LOXL3: variants seen among roughly 807,000 people sequenced by gnomAD.
The protein encoded by LOXL3 is lysyl oxidase homolog 3.
In LOXL3, 60 loss-of-function variants were observed where a neutral mutation model predicts 91.8. The ratio of observed to expected loss-of-function variants is 0.65; its 90% CI spans 0.53 to 0.81. LOXL3 has a LOEUF of 0.81. LOXL3 is among the 30% of genes least tolerant of loss of function. The probability of loss-of-function intolerance (pLI) is 0.00; values close to 1 mark genes in which losing one functional copy is unlikely to be tolerated. For synonymous variants in LOXL3, 355 were observed against 387.6 expected (o/e 0.92, Z 0.99); for missense variants, 874 against 1,000.4 (o/e 0.87, Z 1.70).
intron 3 of LOXL3, 46 bp downstream of exon 3, chr2:74,550,139 C>T (rs779680225): frequency 2.0e-5 from 32 of 1,578,920 alleles, no homozygotes; most frequent in African/African-American, 1.9e-4. Context: ...ACAGTACTCT[C>T]GGCTATCCTG....
chr2:74,536,869 GTGCCCACGCACGCCACCCCA>G lies in LOXL3; in HGVS notation c.732_751del (p.Val246GlyfsTer15). The G allele has an allele frequency of 6.2e-7, 1 of 1,614,168 alleles. No homozygotes were observed. Among genetic ancestry groups the G allele is most frequent in the Non-Finnish European group, 8.5e-7 (1 of 1,180,030 alleles). The stretch of plus-strand genomic sequence containing the variant: ...GGAACAGAGGGAGAGGTGGGCCTCC[GTGCCCACGCACGCCACCCCA>G]TGCAGACCAAAGGAGTGTTGCTGCC... On this transcript the variant is annotated frameshift_variant, in exon 5 of 14. Transcript: ENST00000264094. LOFTEE classifies it high-confidence loss of function. This position sits in a 1 kb window ranked among gnomAD's most constrained non-coding sequence, Gnocchi z 4.5.
rs886486017 is a variant in LOXL3 at position 74,553,867 on chromosome 2, T to C, written c.-13+9A>G. 1 of 145,298 alleles carries C rather than the reference T, an allele frequency of 6.9e-6. No homozygotes were observed. The highest frequency in any genetic ancestry group is 1.5e-5 in the Non-Finnish European group (1 of 66,760). 9.0% of individuals were successfully genotyped at this position (145,298 alleles called of 1,614,324 possible). A position where few individuals can be genotyped will look rare whatever the true frequency, so the allele number is the denominator to read the frequency against. ...TCATTCCCTCTGCGGTTAGCGTGAC[T>C]CCCCCTACCTTGGCCGAGCAGGACC... is the stretch of plus-strand genomic sequence containing the variant. On this transcript the variant is annotated intron_variant, in intron 1 of 13. Coordinates refer to ENST00000264094, the MANE Select transcript of LOXL3 (RefSeq NM_032603.5).
chr2:74,534,894 TTTGA>T (rs1415921112), intron 9 of LOXL3, 120 bp from the exon 10 acceptor site: 1 of 1,188,524 alleles, frequency 8.4e-7, no homozygotes, highest in East Asian at 2.4e-5. Flanking sequence ...TGTTTGTTTG[TTTGA>T]GATGGAGTCT....
In LOXL3 at chr2:74,535,835, G is replaced by A. The variant is rs891772218; in HGVS notation, c.1249-80C>T. ...AGTCTCTAACAGATGTGGCTGAAGC[G>A]TGACTCAGGCACATAATGGGCTAGC... On this transcript the variant is annotated intron_variant, in intron 7 of 13. Coordinates refer to ENST00000264094, the MANE Select transcript of LOXL3 (RefSeq NM_032603.5). The surrounding 1 kb of genome is among the most constrained non-coding windows in gnomAD (Gnocchi z 4.2). 8.7e-6 allele frequency: 13 copies of A among 1,491,316 alleles called. No homozygotes were observed. The highest frequency in any genetic ancestry group is 4.5e-5 in the East Asian group (2 of 44,042). 92.4% of individuals were successfully genotyped at this position (1,491,316 alleles called of 1,614,324 possible).
chr2:74,540,797 G>A (rs1276736444), intron 4 of LOXL3, among the ~76,000 whole-genome samples: 3 of 150,494 alleles, frequency 2.0e-5, no homozygotes, highest in Non-Finnish European at 3.0e-5. Context: ...CTTCTGAATC[G>A]CTGGGACCAC....
upstream of LOXL3, chr2:74,555,101 C>G (rs995196504): frequency 6.4e-7 from 1 of 1,558,856 alleles, no homozygotes; most frequent in Non-Finnish European, 8.7e-7. The surrounding 1 kb of genome is among the most constrained non-coding windows in gnomAD (Gnocchi z 6.1). Context: ...CCGTCGGGAC[C>G]CGGGCCGCCT....
At chr2:74,543,473 T>C (rs1243556747) in intron 4 of LOXL3, among the ~76,000 whole-genome samples, 1 of 152,226 alleles carries the variant, frequency 6.6e-6, no homozygotes, top group Non-Finnish European at 1.5e-5. Flanking sequence ...GGGTCAATCC[T>C]GACTTCTCCC....
At chr2:74,555,156 G>A, upstream of LOXL3, 3 of 1,611,110 alleles carry the variant, frequency 1.9e-6, no homozygotes, top group East Asian at 6.7e-5. This position sits in a 1 kb window ranked among gnomAD's most constrained non-coding sequence, Gnocchi z 6.1. Context: ...CTCCCTAGAG[G>A]TGGAGGAAGA....
At chr2:74,534,036 G>A (rs766495239) in intron 12 of LOXL3, 43 bp from the exon 13 acceptor site, 27 of 1,610,936 alleles carry the variant, frequency 1.7e-5, no homozygotes, top group Middle Eastern at 1.6e-4. Context: ...GACAATCCTC[G>A]AATTCAAAGG....
chr2:74,552,703 G>C (rs1275507914), intron 1 of LOXL3, 57 bp from the exon 2 acceptor site: 4 of 1,394,054 alleles, frequency 2.9e-6, no homozygotes, highest in Non-Finnish European at 3.8e-6. Context: ...GGGGCCCAGA[G>C]TCAGAAAGAG....
In LOXL3 at chr2:74,535,333, C is replaced by A; in HGVS notation, c.1538G>T (p.Arg513Met). The A allele has an allele frequency of 6.2e-7, 1 of 1,614,074 alleles. No individual in the cohort carries two copies. Among genetic ancestry groups the A allele is most frequent in the South Asian group, 1.1e-5 (1 of 91,088 alleles). The change falls in exon 9 of 14, where the codon AGG becomes ATG. Residue 513 changes from arginine to methionine, a missense_variant. Coordinates refer to ENST00000264094, the MANE Select transcript of LOXL3 (RefSeq NM_032603.5). The surrounding 1 kb of genome is among the most constrained non-coding windows in gnomAD (Gnocchi z 4.2). ...AHHGTHITCK[R>M]TGTRFTAGVI... ...TCCAGCAGTGAAGCGGGTCCCTGTC[C>A]TCTTGCAGGTGATGTGGGTGCCATG...
intron 4 of LOXL3, among the ~76,000 whole-genome samples, chr2:74,541,374 G>A (rs1159197244): frequency 6.6e-6 from 1 of 152,174 alleles, no homozygotes; most frequent in African/African-American, 2.4e-5. Context: ...TTAAATATAC[G>A]TATATATTTT....
chr2:74,552,251 C>G, intron 2 of LOXL3, 71 bp downstream of exon 2: 2 of 1,429,952 alleles, frequency 1.4e-6, no homozygotes, highest in Non-Finnish European at 1.9e-6. Flanking sequence ...CTGTGCCATC[C>G]TCGTGTTCCC....
At position 74,537,220 on chromosome 2, in the gene LOXL3, GTGGTTTCAGGCTGC is replaced by G. The variant is rs575651302; in HGVS notation, c.693-306_693-293del. Among the ~76,000 whole-genome samples, 300 of 152,334 alleles carry G rather than the reference GTGGTTTCAGGCTGC, an allele frequency of 2.0e-3. 1 individual carries two copies. The highest frequency in any genetic ancestry group is 7.1e-3 in the African/African-American group (296 of 41,582). ...ACTTGCCTGGAAGAAACTGTTCCAA[GTGGTTTCAGGCTGC>G]TGGCCCTAAAGGAGGCTGAGGCTAA... On this transcript the variant is annotated intron_variant, in intron 4 of 13. Transcript: ENST00000264094.
chr2:74,536,676 G>C lies in LOXL3; in HGVS notation c.912+33C>G. The C allele has an allele frequency of 6.2e-7, 1 of 1,602,180 alleles. No homozygotes were observed. Among genetic ancestry groups the C allele is most frequent in the Non-Finnish European group, 8.5e-7 (1 of 1,169,892 alleles). On this transcript the variant is annotated intron_variant, in intron 5 of 13. Coordinates refer to ENST00000264094, the MANE Select transcript of LOXL3 (RefSeq NM_032603.5). The surrounding 1 kb of genome is among the most constrained non-coding windows in gnomAD (Gnocchi z 4.5). ...GCCAGGCTAGGGGTTCTCCACCTGG[G>C]GTGGGAAAGGTCATAATCACTGTCT...
upstream of LOXL3, chr2:74,554,854 T>C: frequency 6.2e-7 from 1 of 1,611,508 alleles, no homozygotes; most frequent in Non-Finnish European, 8.5e-7. This position sits in a 1 kb window ranked among gnomAD's most constrained non-coding sequence, Gnocchi z 4.9. Context: ...TCCGGGCTAG[T>C]AGTGGGTGAG....
At position 74,533,041 on chromosome 2, in the gene LOXL3, T is replaced by C; in HGVS notation, c.*565A>G. ...CTGATTTCCTCCTTGCCTTTCTGGC[T>C]GAGGTTCTGAGGGCACCGAGACAGA... On this transcript the variant is annotated 3_prime_UTR_variant, in exon 14 of 14. Coordinates refer to ENST00000264094, the MANE Select transcript of LOXL3 (RefSeq NM_032603.5). 1 of 1,558,552 alleles carries C rather than the reference T, an allele frequency of 6.4e-7. No individual in the cohort carries two copies. The highest frequency in any genetic ancestry group is 8.8e-7 in the Non-Finnish European group (1 of 1,134,150).
intron 3 of LOXL3, 45 bp downstream of exon 3, chr2:74,550,140 G>T: frequency 6.3e-7 from 1 of 1,580,032 alleles, no homozygotes; most frequent in Non-Finnish European, 8.6e-7. Context: ...CAGTACTCTC[G>T]GCTATCCTGG....
At chr2:74,542,549 A>T (rs1430084938) in intron 4 of LOXL3, among the ~76,000 whole-genome samples, 2 of 149,850 alleles carry the variant, frequency 1.3e-5, no homozygotes, top group Non-Finnish European at 3.0e-5. Flanking sequence ...CACACCCTCT[A>T]CTTATCTCTC....
Sources: gnomAD v4.1 joint callset for allele counts (sites outside exome capture counted in the v4.1 genomes callset) on GRCh38, gnomAD v4.1.1 for gene constraint, Gnocchi (gnomAD v3.1) non-coding constraint, MANE v1.5 for transcripts, NCBI Gene and HGNC (gene_info 2026-07-23, HGNC 2026-07-21) for gene names.